MYO5B: variants seen among roughly 807,000 people sequenced by gnomAD.
MYO5B encodes the protein myosin VB, also known as unconventional myosin-Vb.
Under a neutral mutation model 229.3 loss-of-function variants are expected in MYO5B, and 143 were observed. That is an observed-to-expected ratio of 0.62 (90% CI 0.54 to 0.72). The LOEUF (loss-of-function observed/expected upper bound fraction) is 0.72, where lower values mean the gene tolerates loss of function less well. MYO5B is among the 30% of genes least tolerant of loss of function. The pLI is 0.00. For missense variants in MYO5B, 2,321 were observed against 2,331.0 expected (o/e 1.00, Z 0.09); for synonymous variants, 918 against 885.2 (o/e 1.04, Z -0.66).
At position 50,067,283 on chromosome 18, in the gene MYO5B, C is replaced by T. The variant is rs76966530; in HGVS notation, c.28-11905G>A. Among the ~76,000 whole-genome samples the T allele has an allele frequency of 9.8e-3, 1,492 of 152,224 alleles. 29 individuals are homozygous for T. Among genetic ancestry groups the T allele is most frequent in the African/African-American group, 0.034 (1,409 of 41,524 alleles). On this transcript the variant is annotated intron_variant, in intron 1 of 39. Transcript: ENST00000285039. ...GGAGTTATGAAGTAAATGGGAAGAT[C>T]GGTTATATTTCCTGTTCTATCTGTA...
At chr18:49,965,320 T>G (rs9963579) in intron 10 of MYO5B, among the ~76,000 whole-genome samples, 4,097 of 152,230 alleles carry the variant, frequency 0.027, 166 homozygotes, top group African/African-American at 0.093. Context: ...CTACAAATGC[T>G]TGCAGCCCAC....
At chr18:50,074,702 C>T (rs546793982) in intron 1 of MYO5B, among the ~76,000 whole-genome samples, 1 of 152,284 alleles carries the variant, frequency 6.6e-6, no homozygotes, top group African/African-American at 2.4e-5. Context: ...GTCTGTTAAT[C>T]ACTTTCCACC....
intron 2 of MYO5B, among the ~76,000 whole-genome samples, chr18:50,042,039 T>C (rs1363566643): frequency 6.6e-6 from 1 of 152,192 alleles, no homozygotes; most frequent in African/African-American, 2.4e-5. Context: ...TAAAAGATTA[T>C]CAGCACTATT....
chr18:50,097,502 G>T (rs368891079), intron 1 of MYO5B: 2 of 325,750 alleles, frequency 6.1e-6, no homozygotes, highest in Non-Finnish European at 1.2e-5. Context: ...GAGAAATCGC[G>T]GTGTTATTTA....
intron 17 of MYO5B, among the ~76,000 whole-genome samples, chr18:49,921,418 A>G (rs541773289): frequency 1.3e-5 from 2 of 152,262 alleles, no homozygotes; most frequent in East Asian, 3.9e-4. Flanking sequence ...CACGAGACCT[A>G]GGAGCTGGGT....
At chr18:50,183,478 A>C (rs1427557104) in intron 1 of MYO5B, among the ~76,000 whole-genome samples, 2 of 151,826 alleles carry the variant, frequency 1.3e-5, no homozygotes, top group Non-Finnish European at 2.9e-5. Flanking sequence ...GGCTTCCAGG[A>C]GTCTCAGGTC....
intron 21 of MYO5B, among the ~76,000 whole-genome samples, chr18:49,901,829 G>C (rs1205618698): frequency 6.6e-6 from 1 of 152,226 alleles, no homozygotes; most frequent in Non-Finnish European, 1.5e-5. Context: ...TGTGACTTTA[G>C]GATGCCATGT....
In MYO5B at chr18:49,983,821, G is replaced by C. The variant is rs182169059; in HGVS notation, c.946+897C>G. 1.6e-3 allele frequency among the ~76,000 whole-genome samples: 245 copies of C among 152,316 alleles called. 1 individual carries two copies. The highest frequency in any genetic ancestry group is 2.3e-3 in the Non-Finnish European group (158 of 68,028). On this transcript the variant is annotated intron_variant, in intron 8 of 39. Transcript: ENST00000285039. ...CTGGCTCTGGGAGCGTGGCAAATAAGGGTCTGGTTGCCTCCCCATAGAGAG... is the reference window on the plus strand; with the variant it reads ...CTGGCTCTGGGAGCGTGGCAAATAACGGTCTGGTTGCCTCCCCATAGAGAG...
At chr18:50,017,563 G>T (rs1053084528) in intron 4 of MYO5B, among the ~76,000 whole-genome samples, 1 of 152,186 alleles carries the variant, frequency 6.6e-6, no homozygotes, top group Admixed American at 6.5e-5. Flanking sequence ...CATTTGGGTT[G>T]TTTTCACTTT....
At chr18:49,998,808 T>C (rs189438129) in intron 5 of MYO5B, among the ~76,000 whole-genome samples, 2 of 152,276 alleles carry the variant, frequency 1.3e-5, no homozygotes, top group African/African-American at 4.8e-5. Flanking sequence ...GTACCTAGAA[T>C]AGGCAAATTC....
chr18:49,943,205 G>A (rs1165027608), intron 14 of MYO5B, among the ~76,000 whole-genome samples: 3 of 126,320 alleles, frequency 2.4e-5, no homozygotes, highest in African/African-American at 8.9e-5. Context: ...ATCACACACT[G>A]GGGACTGTTG....
chr18:50,181,852 G>A (rs1464510682), intron 1 of MYO5B, among the ~76,000 whole-genome samples: 1 of 152,198 alleles, frequency 6.6e-6, no homozygotes, highest in Non-Finnish European at 1.5e-5. Flanking sequence ...TGGCTGAGGA[G>A]ACATTCATTT....
chr18:50,056,402 T>A (rs1329163789), intron 1 of MYO5B, among the ~76,000 whole-genome samples: 3 of 152,192 alleles, frequency 2.0e-5, no homozygotes, highest in Admixed American at 6.5e-5. Context: ...AATGGCAGCA[T>A]CTGGATCTCC....
chr18:49,954,806 A>T (rs901714984), intron 12 of MYO5B, among the ~76,000 whole-genome samples: 2 of 152,126 alleles, frequency 1.3e-5, no homozygotes, highest in Non-Finnish European at 2.9e-5. Flanking sequence ...GCATCACAAA[A>T]CACATCCACC....
intron 2 of MYO5B, among the ~76,000 whole-genome samples, chr18:50,048,106 A>G (rs1486060128): frequency 7.3e-6 from 1 of 137,826 alleles, no homozygotes; most frequent in Admixed American, 7.1e-5. Flanking sequence ...ATAATAATAA[A>G]GTGTACAAAA....
At chr18:50,028,632 G>A (rs60799755) in intron 4 of MYO5B, among the ~76,000 whole-genome samples, 2,135 of 152,304 alleles carry the variant, frequency 0.014, 49 homozygotes, top group African/African-American at 0.049. Context: ...AAACTGCTGT[G>A]TGATACAGAA....
rs538253326 is a variant in MYO5B at position 49,914,876 on chromosome 18, G to A, written c.2091-2703C>T. Among the ~76,000 whole-genome samples, 18 of 152,180 alleles carry A rather than the reference G, an allele frequency of 1.2e-4. No homozygotes were observed. In the South Asian group the frequency reaches 2.1e-3, roughly 18 times the overall value. On this transcript the variant is annotated intron_variant, in intron 17 of 39. Coordinates refer to ENST00000285039, the MANE Select transcript of MYO5B (RefSeq NM_001080467.3). ...TCAGCTGCAGCATGGTGGGCAGTAC[G>A]GGCACACCGTGCTCTGGAGCAGGTT...
At chr18:49,953,055 CTAA>C (rs1177080557) in intron 14 of MYO5B, among the ~76,000 whole-genome samples, 4 of 152,136 alleles carry the variant, frequency 2.6e-5, no homozygotes, top group Non-Finnish European at 4.4e-5. Context: ...TCAGGCCATA[CTAA>C]AGTGTTTTCA....
rs2032287477 is a variant in MYO5B, at chr18:50,133,570, A to AT, written c.27+61196dup. ...GAGAAGTCATGTGATGAGCCCAGAA[A>AT]TCCCTCCATCCCTCCGTCCGTCCGT... On this transcript the variant is annotated intron_variant, in intron 1 of 39. Transcript: ENST00000285039. Among the ~76,000 whole-genome samples the AT allele has an allele frequency of 2.0e-5, 3 of 152,208 alleles. No individual in the cohort carries two copies. In the South Asian group the frequency reaches 6.2e-4, roughly 32 times the overall value.
Sources: gnomAD v4.1 joint callset for allele counts (sites outside exome capture counted in the v4.1 genomes callset) on GRCh38, gnomAD v4.1.1 for gene constraint, MANE v1.5 for transcripts, NCBI Gene and HGNC (gene_info 2026-07-23, HGNC 2026-07-21) for gene names.